FAM78B: variants seen among roughly 807,000 people sequenced by gnomAD.
FAM78B encodes the protein protein FAM78B.
Under a neutral mutation model 20.0 loss-of-function variants are expected in FAM78B, and 10 were observed. The observed-to-expected ratio is 0.50, with a 90% confidence interval of 0.31 to 0.85. The LOEUF (loss-of-function observed/expected upper bound fraction) is 0.85, where lower values mean the gene tolerates loss of function less well. Ranked by LOEUF, FAM78B falls within the 40% of genes least tolerant of loss-of-function variation. The pLI, the probability that FAM78B is intolerant of heterozygous loss-of-function variation, is 0.05. For missense variants in FAM78B, 283 were observed against 345.0 expected, an observed-to-expected ratio of 0.82 and a Z score of 1.42; for synonymous variants, 135 against 132.8, an observed-to-expected ratio of 1.02 and a Z score of -0.12.
At chr1:166,068,941 G>C (rs967533993), downstream of FAM78B, among the ~76,000 whole-genome samples, 1 of 152,086 alleles carries the variant, frequency 6.6e-6, no homozygotes, top group African/African-American at 2.4e-5. Flanking sequence ...ATATTGGCCT[G>C]ACTAAAGGAA....
intron 1 of FAM78B, among the ~76,000 whole-genome samples, chr1:166,099,168 A>G (rs1310686846): frequency 2.0e-5 from 3 of 152,218 alleles, no homozygotes; most frequent in Admixed American, 1.3e-4. Context: ...TGAAGGAAAG[A>G]TACAGTTGTT....
At chr1:166,153,434 G>A (rs1306856860) in intron 1 of FAM78B, among the ~76,000 whole-genome samples, 1 of 152,238 alleles carries the variant, frequency 6.6e-6, no homozygotes, top group African/African-American at 2.4e-5. Context: ...TTCAAAGGCA[G>A]GCAGGAACCT....
chr1:166,133,010 G>A (rs1253083351), intron 1 of FAM78B, among the ~76,000 whole-genome samples: 6 of 152,210 alleles, frequency 3.9e-5, no homozygotes, highest in Admixed American at 3.3e-4. Context: ...CAGCAGCACT[G>A]AGACTTTGTT....
At chr1:166,103,044 A>T (rs1653594829) in intron 1 of FAM78B, among the ~76,000 whole-genome samples, 1 of 152,240 alleles carries the variant, frequency 6.6e-6, no homozygotes, top group Non-Finnish European at 1.5e-5. Flanking sequence ...CTCAGGATCA[A>T]GAAACTCACT....
At chr1:166,109,538 A>G (rs1054557324) in intron 1 of FAM78B, among the ~76,000 whole-genome samples, 1 of 151,730 alleles carries the variant, frequency 6.6e-6, no homozygotes, top group Non-Finnish European at 1.5e-5. Context: ...CGGTGAACAG[A>G]GAACACTTCT....
intron 1 of FAM78B, among the ~76,000 whole-genome samples, chr1:166,109,894 A>ATATATATATG (rs1653974188): frequency 3.5e-5 from 2 of 57,774 alleles, no homozygotes; most frequent in African/African-American, 1.7e-4. Context: ...ATATATGTAT[A>ATATATATATG]TATATATATA....
chr1:166,099,981 C>A (rs946916874), intron 1 of FAM78B, among the ~76,000 whole-genome samples: 3 of 152,154 alleles, frequency 2.0e-5, no homozygotes, highest in Non-Finnish European at 2.9e-5. Flanking sequence ...GTGCATGGAA[C>A]TTTCTCCAAG....
In FAM78B at chr1:166,166,111, G is replaced by C. The variant is rs755076496; in HGVS notation, c.138C>G (p.Thr46=). ...CGCGGGCGGAGGCTTTGAAGTAGGG[G>C]GTCTTGTAGCGCAGGACGATGGGCG... ...ETSPIVLRYK[T]PYFKASARVV... Residue 46 remains threonine (T), a synonymous_variant, in exon 1 of 2, where the codon ACC becomes ACG. Transcript: ENST00000354422. 1 of 1,612,434 alleles carries C rather than the reference G, an allele frequency of 6.2e-7. No individual in the cohort carries two copies. Among genetic ancestry groups the C allele is most frequent in the African/African-American group, 1.3e-5 (1 of 74,858 alleles).
chr1:166,092,032 A>ATTTTT (rs11286787), intron 1 of FAM78B, among the ~76,000 whole-genome samples: 3 of 126,006 alleles, frequency 2.4e-5, no homozygotes, highest in Non-Finnish European at 5.2e-5. Flanking sequence ...TTGAGCCATC[A>ATTTTT]TTTTTTTTTT....
chr1:166,059,522 C>T (rs1216039669), exon 3 of FAM78B: 1 of 152,200 alleles, frequency 6.6e-6, no homozygotes, highest in Non-Finnish European at 1.5e-5. Context: ...TTTTAAGCTC[C>T]TCAGATGATT....
Position 166,166,384 on chromosome 1 carries a change from GAGCCGCCGGGCATCCTTGGGGA to G in FAM78B, c.-158_-137del. The G allele has an allele frequency of 5.1e-6, 4 of 778,814 alleles. No individual in the cohort carries two copies. The highest frequency in any genetic ancestry group is 6.3e-6 in the Non-Finnish European group (4 of 632,476). The allele number at this position is 778,814 out of a possible 1,614,324, so 48.2% of individuals were successfully genotyped here. On this transcript the variant is annotated 5_prime_UTR_variant, in exon 1 of 2. The change abolishes an upstream ATG in the 5' untranslated region. Coordinates refer to ENST00000354422, the MANE Select transcript of FAM78B (RefSeq NM_001017961.5). ...GACTCAGCTCGCACCTAGGAGCGGGGAGCCGCCGGGCATCCTTGGGGAAGCCCCCTCCTCTTGCAGCCGCGCG... is the reference window on the plus strand; with the variant it reads ...GACTCAGCTCGCACCTAGGAGCGGGGAGCCCCCTCCTCTTGCAGCCGCGCG...
At chr1:166,118,709 T>C (rs895512560) in intron 1 of FAM78B, among the ~76,000 whole-genome samples, 1 of 152,148 alleles carries the variant, frequency 6.6e-6, no homozygotes, top group Non-Finnish European at 1.5e-5. Flanking sequence ...GAGAAAATGT[T>C]TGCAACCCTT....
At chr1:166,084,055 A>G (rs1269470128) in intron 1 of FAM78B, among the ~76,000 whole-genome samples, 1 of 151,960 alleles carries the variant, frequency 6.6e-6, no homozygotes, top group Non-Finnish European at 1.5e-5. Flanking sequence ...CTTTATTTAC[A>G]TAATAAGGAC....
At chr1:166,097,278 A>G (rs1653322762) in intron 1 of FAM78B, among the ~76,000 whole-genome samples, 1 of 152,206 alleles carries the variant, frequency 6.6e-6, no homozygotes, top group Non-Finnish European at 1.5e-5. Flanking sequence ...ACGGGAGAGG[A>G]GCAGTGGGTA....
At chr1:166,106,370 T>C (rs1303702351) in intron 1 of FAM78B, among the ~76,000 whole-genome samples, 1 of 150,118 alleles carries the variant, frequency 6.7e-6, no homozygotes, top group Non-Finnish European at 1.5e-5. Flanking sequence ...GAAAATGTAG[T>C]ACACATACAC....
At chr1:166,066,333 TAAGA>T (rs1651795104), downstream of FAM78B, among the ~76,000 whole-genome samples, 1 of 152,244 alleles carries the variant, frequency 6.6e-6, no homozygotes, top group Non-Finnish European at 1.5e-5. Flanking sequence ...TTTCTTTGCA[TAAGA>T]AAGCAGTGTT....
chr1:166,102,462 C>T (rs535212119), intron 1 of FAM78B, among the ~76,000 whole-genome samples: 8 of 152,236 alleles, frequency 5.3e-5, no homozygotes, highest in South Asian at 2.1e-4. Context: ...TCAGGAAACC[C>T]GTCTCATCTG....
downstream of FAM78B, among the ~76,000 whole-genome samples, chr1:166,068,876 G>A (rs1651902215): frequency 6.6e-6 from 1 of 152,088 alleles, no homozygotes; most frequent in Admixed American, 6.5e-5. Context: ...GGTGATTCAA[G>A]CTAGAACTGC....
intron 1 of FAM78B, among the ~76,000 whole-genome samples, chr1:166,124,164 G>T (rs751434365): frequency 6.6e-5 from 10 of 152,146 alleles, no homozygotes; most frequent in Non-Finnish European, 1.5e-4. Context: ...TCTATGTCTG[G>T]CTCATGGGTT....
Sources: gnomAD v4.1 joint callset for allele counts (sites outside exome capture counted in the v4.1 genomes callset) on GRCh38, gnomAD v4.1.1 for gene constraint, MANE v1.5 for transcripts, NCBI Gene and HGNC (gene_info 2026-07-23, HGNC 2026-07-21) for gene names.